The following TBCEL variants were observed in gnomAD, a reference collection of about 807,000 sequenced individuals.
TBCEL encodes the protein tubulin folding cofactor E like.
A neutral mutation model predicts 44.2 loss-of-function variants in TBCEL; 15 were observed. The observed-to-expected ratio is 0.34, with a 90% CI of 0.23 to 0.52. TBCEL has a LOEUF of 0.52. Ranked by LOEUF, TBCEL falls within the 20% of genes least tolerant of loss-of-function variation. The probability of loss-of-function intolerance (pLI) is 0.95; values close to 1 mark genes in which losing one functional copy is unlikely to be tolerated. For synonymous variants in TBCEL, 171 were observed against 185.4 expected, an observed-to-expected ratio of 0.92 and a Z score of 0.63; for missense variants, 319 against 506.3, an observed-to-expected ratio of 0.63 and a Z score of 3.55.
intron 4 of TBCEL, among the ~76,000 whole-genome samples, chr11:121,048,947 G>A (rs1945481431): frequency 6.6e-6 from 1 of 151,774 alleles, no homozygotes; most frequent in Admixed American, 6.6e-5. Context: ...AATTTTCCCT[G>A]GCTGTCTCAC....
rs140864748 is a variant in TBCEL at position 121,031,426 on chromosome 11, A to G, written c.-125-5079A>G. ...TTGAGATTTTAATTTTTGTCTCTGA[A>G]AATTATTGAACGTGAGCATCTTTTA... On this transcript the variant is annotated intron_variant, in intron 1 of 8. Coordinates refer to ENST00000683345, the MANE Select transcript of TBCEL (RefSeq NM_001363644.2). Among the ~76,000 whole-genome samples the G allele has an allele frequency of 3.9e-3, 593 of 152,282 alleles. 5 individuals are homozygous for G. Among genetic ancestry groups the G allele is most frequent in the African/African-American group, 0.013 (554 of 41,550 alleles).
Position 121,058,400 on chromosome 11 carries a change from A to G in TBCEL, c.768A>G (p.Glu256=). ...DKLNSFPKLE[E]VRLLGIPLLQ... is the part of the protein sequence containing the mutation. ...TAAATTCATTTCCCAAACTGGAAGA[A>G]GTGAGATTGTTAGGAATTCCTCTTC... Residue 256 remains glutamate (E), a synonymous_variant, in exon 7 of 9, where the codon GAA becomes GAG. Coordinates refer to ENST00000683345, the MANE Select transcript of TBCEL (RefSeq NM_001363644.2). The G allele has an allele frequency of 5.0e-6, 8 of 1,612,056 alleles. No individual in the cohort carries two copies. Among genetic ancestry groups the G allele is most frequent in the Non-Finnish European group, 6.8e-6 (8 of 1,178,500 alleles).
At chr11:121,067,400 T>C (rs1011207205) in intron 8 of TBCEL, among the ~76,000 whole-genome samples, 2 of 152,238 alleles carry the variant, frequency 1.3e-5, no homozygotes, top group African/African-American at 4.8e-5. Flanking sequence ...TTATAATTTC[T>C]TACAGGTGCT....
chr11:121,035,196 C>T (rs1042166750), intron 1 of TBCEL: 1 of 152,172 alleles, frequency 6.6e-6, no homozygotes, highest in African/African-American at 2.4e-5. Context: ...GTGCCAGGCA[C>T]TGTGCTAACC....
At position 121,089,027 on chromosome 11, in the gene TBCEL, A is replaced by T. The variant is rs1405434064; in HGVS notation, c.*1931A>T. On this transcript the variant is annotated 3_prime_UTR_variant, in exon 9 of 9. Transcript: ENST00000683345. ...GGAAGTAGGAAAAAAGTATGGCAACAGTGTCATGAAGATTGAAACTGTAGG... is the reference window on the plus strand; with the variant it reads ...GGAAGTAGGAAAAAAGTATGGCAACTGTGTCATGAAGATTGAAACTGTAGG... 1.3e-5 allele frequency: 2 copies of T among 152,216 alleles called. No homozygotes were observed. Among genetic ancestry groups the T allele is most frequent in the Non-Finnish European group, 2.9e-5 (2 of 68,028 alleles). 9.4% of individuals were successfully genotyped at this position (152,216 alleles called of 1,614,324 possible).
rs1591401404 is a variant in TBCEL, at chr11:121,060,053, T to C, written c.924T>C (p.Tyr308=). 6.2e-7 allele frequency: 1 copy of C among 1,611,738 alleles called. No homozygotes were observed. Among genetic ancestry groups the C allele is most frequent in the East Asian group, 2.2e-5 (1 of 44,780 alleles). ...CTGAGAGATTTTTTATTCGTTACTA[T>C]GTGGATGTTCCACAGGAAGAAGTGC... is the stretch of plus-strand genomic sequence containing the variant. ...EDSERFFIRY[Y]VDVPQEEVPF... is the part of the protein sequence containing the mutation. The change falls in exon 8 of 9, where the codon TAT becomes TAC. Residue 308 remains tyrosine, a synonymous_variant. Transcript: ENST00000683345.
chr11:121,034,521 TA>T (rs1445069405), intron 1 of TBCEL, among the ~76,000 whole-genome samples: 3 of 152,196 alleles, frequency 2.0e-5, no homozygotes, highest in Non-Finnish European at 4.4e-5. Context: ...TTAGTCAATC[TA>T]TTTTTCATAT....
At chr11:121,064,829 A>C (rs973475711) in intron 8 of TBCEL, among the ~76,000 whole-genome samples, 1 of 151,796 alleles carries the variant, frequency 6.6e-6, no homozygotes, top group African/African-American at 2.4e-5. Context: ...TTTTCTTTTT[A>C]ATTTTTTTTT....
chr11:121,051,347 TATG>T (rs1945525112), intron 4 of TBCEL, among the ~76,000 whole-genome samples: 1 of 151,794 alleles, frequency 6.6e-6, no homozygotes. Flanking sequence ...AAAAATAAAA[TATG>T]AGTGGTAGTA....
intron 8 of TBCEL, among the ~76,000 whole-genome samples, chr11:121,061,561 A>T (rs577097374): frequency 6.6e-6 from 1 of 152,066 alleles, no homozygotes; most frequent in African/African-American, 2.4e-5. Flanking sequence ...CACCTAGGCT[A>T]TATGGTACAG....
intron 4 of TBCEL, among the ~76,000 whole-genome samples, chr11:121,051,014 G>A (rs911632220): frequency 2.6e-5 from 4 of 151,636 alleles, no homozygotes; most frequent in Admixed American, 6.6e-5. Flanking sequence ...TCTGTGTAAT[G>A]AATATTATGT....
chr11:121,047,171 G>T (rs747096548), intron 3 of TBCEL, among the ~76,000 whole-genome samples: 9 of 152,026 alleles, frequency 5.9e-5, no homozygotes, highest in Non-Finnish European at 1.0e-4. Flanking sequence ...AGGCCTATAA[G>T]AAAGTACTGG....
At chr11:121,051,778 T>C (rs1167056550) in intron 4 of TBCEL, among the ~76,000 whole-genome samples, 6 of 151,802 alleles carry the variant, frequency 4.0e-5, no homozygotes, top group Admixed American at 3.9e-4. Flanking sequence ...GTACCCACTT[T>C]ATAGGGTTAG....
intron 1 of TBCEL, among the ~76,000 whole-genome samples, chr11:121,030,530 A>G (rs1420982957): frequency 6.6e-6 from 1 of 152,148 alleles, no homozygotes; most frequent in African/African-American, 2.4e-5. Context: ...AGTAATAGAG[A>G]TGGACAAAAT....
At chr11:121,028,969 C>G (rs1249072176) in intron 1 of TBCEL, among the ~76,000 whole-genome samples, 1 of 152,214 alleles carries the variant, frequency 6.6e-6, no homozygotes, top group Non-Finnish European at 1.5e-5. Context: ...TAGCCCCTTA[C>G]CATCTGGCCC....
At chr11:121,081,518 TAGTC>T (rs1946125280) in intron 8 of TBCEL, among the ~76,000 whole-genome samples, 1 of 152,200 alleles carries the variant, frequency 6.6e-6, no homozygotes, top group East Asian at 1.9e-4. Flanking sequence ...AGAGAATGCT[TAGTC>T]AGCAGAAACC....
At chr11:121,055,451 G>T in intron 6 of TBCEL, 143 bp downstream of exon 6, 1 of 805,284 alleles carries the variant, frequency 1.2e-6, no homozygotes, top group Non-Finnish European at 1.8e-6. Flanking sequence ...CCTATGATTG[G>T]CTAAATTTAA....
intron 8 of TBCEL, among the ~76,000 whole-genome samples, chr11:121,064,863 G>A (rs1945790088): frequency 1.3e-5 from 2 of 152,000 alleles, no homozygotes; most frequent in South Asian, 4.2e-4. Flanking sequence ...GTCTCACTCT[G>A]TCGCCCAGGC....
intron 1 of TBCEL, among the ~76,000 whole-genome samples, chr11:121,033,362 G>T (rs1457280903): frequency 1.3e-5 from 2 of 152,068 alleles, no homozygotes; most frequent in Non-Finnish European, 2.9e-5. Flanking sequence ...TTAAATATTG[G>T]CTCTATTAGT....
Sources: gnomAD v4.1 joint callset for allele counts (sites outside exome capture counted in the v4.1 genomes callset) on GRCh38, gnomAD v4.1.1 for gene constraint, MANE v1.5 for transcripts, NCBI Gene and HGNC (gene_info 2026-07-23, HGNC 2026-07-21) for gene names.